The following LANCL1 variants were observed in gnomAD, a reference collection of about 807,000 sequenced individuals.
LANCL1 encodes LanC like glutathione S-transferase 1.
Under a neutral mutation model 50.6 loss-of-function variants are expected in LANCL1, and 50 were observed. The ratio of observed to expected loss-of-function variants is 0.99; its 90% CI spans 0.79 to 1.25. LANCL1 has a LOEUF of 1.25. Ranked by LOEUF, LANCL1 falls within the 50% of genes most tolerant of loss-of-function variation. The pLI is 0.00. For missense variants in LANCL1, 532 were observed against 480.7 expected, an observed-to-expected ratio of 1.11 and a Z score of -1.00; for synonymous variants, 188 against 178.6, an observed-to-expected ratio of 1.05 and a Z score of -0.42.
At position 210,476,364 on chromosome 2, in the gene LANCL1, A is replaced by G; in HGVS notation, c.33T>C (p.Ala11=). 1 of 1,614,130 alleles carries G rather than the reference A, an allele frequency of 6.2e-7. No individual in the cohort carries two copies. Among genetic ancestry groups the G allele is most frequent in the Non-Finnish European group, 8.5e-7 (1 of 1,180,026 alleles). The change falls in exon 2 of 10, where the codon GCT becomes GCC. Residue 11 remains alanine (A), a synonymous_variant. Coordinates refer to ENST00000450366, the MANE Select transcript of LANCL1 (RefSeq NM_006055.3). MAQRAFPNPY[A]DYNKSLAEGY... ...CTTCGGCCAGGGATTTGTTATAATCAGCATAAGGATTCGGGAAGGCCCTTT... is the reference window on the plus strand; with the variant it reads ...CTTCGGCCAGGGATTTGTTATAATCGGCATAAGGATTCGGGAAGGCCCTTT...
intron 3 of LANCL1, among the ~76,000 whole-genome samples, chr2:210,467,014 G>T (rs1266341245): frequency 6.6e-6 from 1 of 152,272 alleles, no homozygotes; most frequent in East Asian, 1.9e-4. Context: ...AGAGCTAATA[G>T]ACGCCACACC....
chr2:210,435,814 TC>T (rs1307336873), intron 8 of LANCL1, among the ~76,000 whole-genome samples: 8 of 151,610 alleles, frequency 5.3e-5, no homozygotes, highest in Non-Finnish European at 7.4e-5. Flanking sequence ...GTATTTGTTA[TC>T]CAAGACCTAT....
intron 4 of LANCL1, among the ~76,000 whole-genome samples, chr2:210,449,592 A>G (rs1693449756): frequency 1.3e-5 from 2 of 152,208 alleles, no homozygotes; most frequent in Non-Finnish European, 2.9e-5. Flanking sequence ...ATGATTGTAT[A>G]TTTAGAAAAC....
intron 5 of LANCL1, among the ~76,000 whole-genome samples, 192 bp downstream of exon 5, chr2:210,441,116 T>C (rs1319357333): frequency 1.3e-5 from 2 of 152,218 alleles, no homozygotes; most frequent in Admixed American, 1.3e-4. Context: ...CTTCGGACTC[T>C]TGAGACAGAA....
chr2:210,433,542 T>C lies in LANCL1; in HGVS notation c.*945A>G, dbSNP rs1692818122. 6.6e-6 allele frequency: 1 copy of C among 152,162 alleles called. No homozygotes were observed. Among genetic ancestry groups the C allele is most frequent in the Non-Finnish European group, 1.5e-5 (1 of 68,034 alleles). The allele number at this position is 152,162 out of a possible 1,614,324, so 9.4% of individuals were successfully genotyped here. A position where few individuals can be genotyped will look rare whatever the true frequency, so the allele number is the denominator to read the frequency against. ...ATAGGAAGGAAAATATTTTATGGCT[T>C]ATACCAAAGAGTCAGCACTAATGCA... On this transcript the variant is annotated 3_prime_UTR_variant, in exon 10 of 10. Transcript: ENST00000450366.
intron 2 of LANCL1, among the ~76,000 whole-genome samples, chr2:210,473,019 T>A (rs1341834317): frequency 6.6e-6 from 1 of 152,178 alleles, no homozygotes; most frequent in Non-Finnish European, 1.5e-5. Context: ...CATTACGTTA[T>A]TCTTCTTAAA....
chr2:210,468,699 G>C (rs140808525), intron 3 of LANCL1: 1 of 152,202 alleles, frequency 6.6e-6, no homozygotes, highest in Non-Finnish European at 1.5e-5. Context: ...AAAAGCTGAT[G>C]TAATGACTGG....
rs548671897 is a variant in LANCL1 at position 210,434,445 on chromosome 2, A to G, written c.*42T>C. The G allele has an allele frequency of 6.6e-7, 1 of 1,506,000 alleles. No individual in the cohort carries two copies. The highest frequency in any genetic ancestry group is 9.2e-7 in the Non-Finnish European group (1 of 1,086,968). The allele number at this position is 1,506,000 out of a possible 1,614,324, so 93.3% of individuals were successfully genotyped here. A position where few individuals can be genotyped will look rare whatever the true frequency, so the allele number is the denominator to read the frequency against. On this transcript the variant is annotated 3_prime_UTR_variant, in exon 10 of 10. Transcript: ENST00000450366. ...GCACTTAGCTTGGGTTTGAATATAC[A>G]GAAAGGGTCATGCAGTGAGTTGCAG...
chr2:210,439,790 G>C (rs1358354790), intron 6 of LANCL1, among the ~76,000 whole-genome samples: 1 of 152,176 alleles, frequency 6.6e-6, no homozygotes, highest in Non-Finnish European at 1.5e-5. Flanking sequence ...CTGGTAGTAT[G>C]TATATCCAAG....
intron 2 of LANCL1, among the ~76,000 whole-genome samples, chr2:210,472,409 A>G (rs965149450): frequency 1.3e-5 from 2 of 152,238 alleles, no homozygotes; most frequent in Non-Finnish European, 2.9e-5. Flanking sequence ...TATTAAATTA[A>G]GCACAAATCA....
At chr2:210,436,157 C>G in intron 8 of LANCL1, 59 bp downstream of exon 8, 2 of 1,493,142 alleles carry the variant, frequency 1.3e-6, no homozygotes, top group Non-Finnish European at 1.8e-6. Context: ...TCCCAAAGTG[C>G]TGAGATTTAC....
rs184304438 is a variant in LANCL1 at position 210,458,852 on chromosome 2, C to T, written c.200-3538G>A. 1.5e-3 allele frequency among the ~76,000 whole-genome samples: 230 copies of T among 152,290 alleles called. 4 individuals carry two copies. The highest frequency in any genetic ancestry group is 4.0e-4 in the Non-Finnish European group (27 of 68,008). On this transcript the variant is annotated intron_variant, in intron 3 of 9. Transcript: ENST00000450366. ...ACATTTCTACTGACTTCTAACATAA[C>T]AGCCAAAATTGTTCGAGTTTTGACA...
At chr2:210,471,155 T>G (rs1179007426) in intron 3 of LANCL1, among the ~76,000 whole-genome samples, 1 of 149,780 alleles carries the variant, frequency 6.7e-6, no homozygotes, top group Non-Finnish European at 1.5e-5. Context: ...CAAGTGATTC[T>G]CCTGCCTCAG....
chr2:210,472,508 TA>T lies in LANCL1; in HGVS notation c.82-433del, dbSNP rs938988807. 5.3e-5 allele frequency among the ~76,000 whole-genome samples: 8 copies of T among 151,936 alleles called. No homozygotes were observed. In the South Asian group the frequency reaches 1.7e-3, roughly 32 times the overall value. On this transcript the variant is annotated intron_variant, in intron 2 of 9. Transcript: ENST00000450366. ...AAAGAAACATCTAATTGCTCTTATT[TA>T]AAAAAAAGGATTTAAAAAAAATGAA...
At chr2:210,448,811 G>A (rs1020691227) in intron 4 of LANCL1, among the ~76,000 whole-genome samples, 21 of 152,124 alleles carry the variant, frequency 1.4e-4, no homozygotes, top group Admixed American at 3.9e-4. Context: ...CCAGGAAGAA[G>A]CTGAATCCCT....
chr2:210,450,256 CT>C (rs1196927424), intron 4 of LANCL1, among the ~76,000 whole-genome samples: 1 of 152,018 alleles, frequency 6.6e-6, no homozygotes, highest in Non-Finnish European at 1.5e-5. Flanking sequence ...GGATTCCCTA[CT>C]TAATAAATGG....
intron 3 of LANCL1, among the ~76,000 whole-genome samples, chr2:210,471,042 A>ATTTTT (rs35572251): frequency 2.3e-4 from 22 of 96,264 alleles, no homozygotes; most frequent in Admixed American, 3.6e-4. Context: ...TTCTTCTTTG[A>ATTTTT]TTTTTTTTTT....
intron 3 of LANCL1, among the ~76,000 whole-genome samples, chr2:210,470,452 A>T: frequency 6.6e-6 from 1 of 152,182 alleles, no homozygotes; most frequent in East Asian, 1.9e-4. Flanking sequence ...ATGTGTCATT[A>T]TTGGTTGAGT....
Position 210,476,646 on chromosome 2 carries a change from C to T in LANCL1, c.-43G>A. The T allele has an allele frequency of 7.9e-7, 1 of 1,268,876 alleles. No homozygotes were observed. The highest frequency in any genetic ancestry group is 9.9e-7 in the Non-Finnish European group (1 of 1,005,862). 78.6% of individuals were successfully genotyped at this position (1,268,876 alleles called of 1,614,324 possible). A position where few individuals can be genotyped will look rare whatever the true frequency, so the allele number is the denominator to read the frequency against. ...CGGACAAAGAGGCCCCGTTTTGCAA[C>T]CCCGTTCCCACGCCCGCGACTTGAA... On this transcript the variant is annotated 5_prime_UTR_variant, in exon 1 of 10. Transcript: ENST00000450366.
Sources: gnomAD v4.1 joint callset for allele counts (sites outside exome capture counted in the v4.1 genomes callset) on GRCh38, gnomAD v4.1.1 for gene constraint, MANE v1.5 for transcripts, NCBI Gene and HGNC (gene_info 2026-07-23, HGNC 2026-07-21) for gene names.